Variants in INO80 observed in about 807,000 individuals in gnomAD.
The protein encoded by INO80 is INO80 complex ATPase subunit.
INO80 carries 20 observed loss-of-function variants against 203.4 expected under a neutral mutation model. That is an observed-to-expected ratio of 0.10 (90% CI 0.07 to 0.14). The LOEUF is 0.14. INO80 is among the 10% of genes least tolerant of loss of function. The pLI, the probability that INO80 is intolerant of heterozygous loss-of-function variation, is 1.00. For synonymous variants in INO80, 726 were observed against 685.2 expected, an observed-to-expected ratio of 1.06 and a Z score of -0.93; for missense variants, 1,419 against 1,914.4, an observed-to-expected ratio of 0.74 and a Z score of 4.83.
intron 24 of INO80, among the ~76,000 whole-genome samples, chr15:41,040,787 A>G (rs2044653999): frequency 6.6e-6 from 1 of 152,162 alleles, no homozygotes; most frequent in Non-Finnish European, 1.5e-5. Context: ...TTTCAAAAAA[A>G]AAAGGGTGGG....
intron 24 of INO80, among the ~76,000 whole-genome samples, chr15:41,042,937 C>T (rs1335359662): frequency 6.6e-6 from 1 of 152,142 alleles, no homozygotes. Context: ...GGCCCAATAG[C>T]TCATTAATTC....
At chr15:41,088,087 CTTTTTTTTTTTTT>C (rs943111352) in intron 5 of INO80, among the ~76,000 whole-genome samples, 2 of 101,082 alleles carry the variant, frequency 2.0e-5, no homozygotes, top group African/African-American at 7.9e-5. Context: ...GCTTGCTTTT[CTTTTTTTTTTTTT>C]TTTTTTTTTG....
At chr15:41,007,442 C>A (rs2044063168) in intron 27 of INO80, among the ~76,000 whole-genome samples, 1 of 152,052 alleles carries the variant, frequency 6.6e-6, no homozygotes, top group Non-Finnish European at 1.5e-5. Context: ...CTCAGCCTCC[C>A]AAAGTGTTGG....
At chr15:41,113,804 A>T (rs1441797528) in intron 1 of INO80, among the ~76,000 whole-genome samples, 1 of 152,164 alleles carries the variant, frequency 6.6e-6, no homozygotes, top group African/African-American at 2.4e-5. Context: ...TTCCACCTTG[A>T]TGTACTCAAA....
At chr15:41,104,104 C>A (rs1474319441) in intron 1 of INO80, among the ~76,000 whole-genome samples, 2 of 150,512 alleles carry the variant, frequency 1.3e-5, no homozygotes, top group Non-Finnish European at 2.9e-5. Flanking sequence ...GCCTGTAATC[C>A]CAGCTACTTG....
chr15:41,065,414 G>A (rs747393143), intron 14 of INO80, among the ~76,000 whole-genome samples: 5 of 151,986 alleles, frequency 3.3e-5, no homozygotes, highest in South Asian at 2.1e-4. Context: ...CAGCCTGGGC[G>A]ACAGAGCAAG....
chr15:41,110,988 T>C (rs765350403), intron 1 of INO80, among the ~76,000 whole-genome samples: 38 of 152,354 alleles, frequency 2.5e-4, no homozygotes, highest in Non-Finnish European at 4.4e-4. Flanking sequence ...ATTTGCCTCT[T>C]AAAGGCAAGG....
chr15:41,049,447 A>G (rs1285054513), intron 20 of INO80, 27 bp from the exon 21 acceptor site: 5 of 1,607,498 alleles, frequency 3.1e-6, no homozygotes, highest in Admixed American at 1.7e-5. Context: ...TGGTAAGACA[A>G]TATTACCACA....
intron 29 of INO80, among the ~76,000 whole-genome samples, chr15:40,996,447 G>A (rs1331970787): frequency 6.6e-6 from 1 of 151,922 alleles, no homozygotes; most frequent in Non-Finnish European, 1.5e-5. Context: ...CTCACCTCCC[G>A]AGTAGCTGGG....
At chr15:41,004,276 G>A (rs2044005147) in intron 28 of INO80, among the ~76,000 whole-genome samples, 1 of 142,332 alleles carries the variant, frequency 7.0e-6, no homozygotes, top group Admixed American at 7.4e-5. Flanking sequence ...TTTAACTTAG[G>A]AAAAATTCTT....
chr15:41,033,720 C>T (rs1352651059), intron 24 of INO80, among the ~76,000 whole-genome samples: 3 of 152,130 alleles, frequency 2.0e-5, no homozygotes, highest in Non-Finnish European at 2.9e-5. Context: ...AAGGAAATCT[C>T]TGAAAAGTAT....
chr15:41,016,257 T>C, intron 26 of INO80, 42 bp from the exon 27 acceptor site: 5 of 1,596,686 alleles, frequency 3.1e-6, no homozygotes, highest in Non-Finnish European at 4.3e-6. Context: ...TGTATTTAAT[T>C]GAAGCGACAA....
At chr15:40,984,552 T>C (rs993667616) in intron 32 of INO80, among the ~76,000 whole-genome samples, 200 bp from the exon 33 acceptor site, 1 of 151,858 alleles carries the variant, frequency 6.6e-6, no homozygotes, top group African/African-American at 2.4e-5. Context: ...TCGAGTACTG[T>C]GGCACATGCC....
intron 19 of INO80, among the ~76,000 whole-genome samples, chr15:41,051,846 T>C (rs1177441406): frequency 6.6e-6 from 1 of 151,992 alleles, no homozygotes; most frequent in Non-Finnish European, 1.5e-5. Context: ...TAGTCCCAGC[T>C]ACTAGGGAGG....
chr15:41,111,482 CT>C (rs946169768), intron 1 of INO80, among the ~76,000 whole-genome samples: 1 of 151,710 alleles, frequency 6.6e-6, no homozygotes, highest in African/African-American at 2.4e-5. Context: ...CTGGTCTGTT[CT>C]TAAGCCTTAA....
intron 29 of INO80, among the ~76,000 whole-genome samples, chr15:40,997,099 A>T (rs2043890591): frequency 6.6e-6 from 1 of 152,166 alleles, no homozygotes; most frequent in Non-Finnish European, 1.5e-5. Flanking sequence ...CAACATGGCA[A>T]AACCCCATCT....
At chr15:41,070,395 A>T in intron 13 of INO80, 72 bp downstream of exon 13, 1 of 1,334,182 alleles carries the variant, frequency 7.5e-7, no homozygotes, top group Non-Finnish European at 1.1e-6. Flanking sequence ...TAGTGCTTTT[A>T]AGTGGCTGAT....
intron 1 of INO80, among the ~76,000 whole-genome samples, chr15:41,108,561 CA>C (rs1482227191): frequency 1.4e-5 from 2 of 144,036 alleles, no homozygotes; most frequent in Non-Finnish European, 3.0e-5. Flanking sequence ...CACTGCATTC[CA>C]GCCTGGGGGA....
At chr15:41,034,777 A>C (rs1012801510) in intron 24 of INO80, among the ~76,000 whole-genome samples, 5 of 152,184 alleles carry the variant, frequency 3.3e-5, no homozygotes, top group Non-Finnish European at 7.4e-5. Flanking sequence ...AATAACCCCA[A>C]ACTTTTTAAG....
Sources: gnomAD v4.1 joint callset for allele counts (sites outside exome capture counted in the v4.1 genomes callset) on GRCh38, gnomAD v4.1.1 for gene constraint, MANE v1.5 for transcripts, NCBI Gene and HGNC (gene_info 2026-07-23, HGNC 2026-07-21) for gene names.